Variants in FHAD1 observed in about 807,000 individuals in gnomAD.
FHAD1 encodes the protein forkhead-associated domain-containing protein 1.
In FHAD1, 146 loss-of-function variants were observed where a neutral mutation model predicts 191.3. The ratio of observed to expected loss-of-function variants is 0.76; its 90% confidence interval spans 0.67 to 0.88. FHAD1 has a LOEUF of 0.88. Ranked by LOEUF, FHAD1 falls within the 40% of genes least tolerant of loss-of-function variation. The probability of loss-of-function intolerance (pLI) is 0.00; values close to 1 mark genes in which losing one functional copy is unlikely to be tolerated. For synonymous variants in FHAD1, 616 were observed against 672.3 expected (o/e 0.92, Z 1.29); for missense variants, 1,635 against 1,785.8 (o/e 0.92, Z 1.52).
At chr1:15,359,815 TG>T (rs1423966708) in intron 21 of FHAD1, among the ~76,000 whole-genome samples, 1 of 151,984 alleles carries the variant, frequency 6.6e-6, no homozygotes, top group Non-Finnish European at 1.5e-5. Context: ...CCAGGCGTGG[TG>T]GCGGGCGCCT....
At chr1:15,352,466 C>T (rs1691224648) in intron 19 of FHAD1, among the ~76,000 whole-genome samples, 2 of 152,190 alleles carry the variant, frequency 1.3e-5, no homozygotes, top group Admixed American at 1.3e-4. Context: ...TCTGCAGGGA[C>T]AGAAGGCACC....
In FHAD1 at chr1:15,301,423, C is replaced by A. The variant is rs976656704; in HGVS notation, c.897C>A (p.Ile299=). Residue 299 remains isoleucine, a synonymous_variant, in exon 6 of 34, where the codon ATC becomes ATA. Coordinates refer to ENST00000688493, the MANE Select transcript of FHAD1 (RefSeq NM_001391957.1). Reference sequence around the variant, plus strand: ...ACATCGATGCCAAACAGAAAGAGATCCAGAGCTTGAAAAGCCAGGTAGGCA... The same window carrying A: ...ACATCGATGCCAAACAGAAAGAGATACAGAGCTTGAAAAGCCAGGTAGGCA... ...DEDIDAKQKE[I]QSLKSQISAL... 3 of 1,551,578 alleles carry A rather than the reference C, an allele frequency of 1.9e-6. No homozygotes were observed. Among genetic ancestry groups the A allele is most frequent in the Admixed American group, 3.9e-5 (2 of 50,972 alleles).
intron 32 of FHAD1, among the ~76,000 whole-genome samples, chr1:15,389,271 C>T (rs2496333): frequency 0.39 from 58,999 of 151,186 alleles, 15,130 homozygotes; most frequent in African/African-American, 0.74. Context: ...CATGGCAAAA[C>T]CCTGGCTCTA....
At position 15,390,995 on chromosome 1, in the gene FHAD1, G is replaced by A. The variant is rs957889992; in HGVS notation, c.4270-215G>A. The stretch of plus-strand genomic sequence containing the variant: ...GACCCCCAAGAGACTCAGCAAGATG[G>A]GGCACTGTGGCTCCCAAAAGCTGTG... On this transcript the variant is annotated intron_variant, in intron 32 of 33. Coordinates refer to ENST00000688493, the MANE Select transcript of FHAD1 (RefSeq NM_001391957.1). Among the ~76,000 whole-genome samples, 3 of 152,052 alleles carry A rather than the reference G, an allele frequency of 2.0e-5. No homozygotes were observed. In the East Asian group the frequency reaches 5.8e-4, roughly 29 times the overall value.
In FHAD1 at chr1:15,329,628, T is replaced by C; in HGVS notation, c.1906+87T>C. On this transcript the variant is annotated intron_variant, in intron 14 of 33. Transcript: ENST00000688493. This position sits in a 1 kb window ranked among gnomAD's most constrained non-coding sequence, Gnocchi z 5.0. Reference sequence around the variant, plus strand: ...CATGATGGGACATCTGTTGAGGAAGTCTTCCTGGGTATCTGGCCAAGTCTA... The same window carrying C: ...CATGATGGGACATCTGTTGAGGAAGCCTTCCTGGGTATCTGGCCAAGTCTA... The C allele has an allele frequency of 7.8e-7, 1 of 1,279,746 alleles. No homozygotes were observed. The highest frequency in any genetic ancestry group is 1.1e-6 in the Non-Finnish European group (1 of 908,926). The allele number at this position is 1,279,746 out of a possible 1,614,324, so 79.3% of individuals were successfully genotyped here. A position where few individuals can be genotyped will look rare whatever the true frequency, so the allele number is the denominator to read the frequency against.
At chr1:15,313,020 C>G (rs1488011723) in intron 7 of FHAD1, 37 bp from the exon 8 acceptor site, 1 of 1,549,336 alleles carries the variant, frequency 6.5e-7, no homozygotes, top group Non-Finnish European at 8.7e-7. Flanking sequence ...GTCATCCTCA[C>G]TGCCTCTTTG....
Position 15,327,219 on chromosome 1 carries a change from G to C in FHAD1, c.1557+77G>C. 2 of 921,246 alleles carry C rather than the reference G, an allele frequency of 2.2e-6. No homozygotes were observed. The highest frequency in any genetic ancestry group is 3.4e-6 in the Non-Finnish European group (2 of 596,162). 57.1% of individuals were successfully genotyped at this position (921,246 alleles called of 1,614,324 possible). ...TTCGTGGATCTGGATTCCAGACCCT[G>C]GGAGCATATGTTTCTGTTTTTGTTG... On this transcript the variant is annotated intron_variant, in intron 12 of 33. Transcript: ENST00000688493. This position sits in a 1 kb window ranked among gnomAD's most constrained non-coding sequence, Gnocchi z 5.1.
At chr1:15,345,255 G>T (rs1322321300) in intron 17 of FHAD1, 65 bp downstream of exon 17, 3 of 1,451,262 alleles carry the variant, frequency 2.1e-6, no homozygotes, top group East Asian at 2.5e-5. Context: ...TGGATCTGGG[G>T]CTCTGGTCTG....
intron 33 of FHAD1, among the ~76,000 whole-genome samples, chr1:15,396,586 A>G (rs1257139291): frequency 2.0e-5 from 3 of 152,182 alleles, no homozygotes; most frequent in Non-Finnish European, 4.4e-5. Context: ...AGGCAGGCAG[A>G]TCACTTGAGG....
chr1:15,334,833 G>A (rs1379622349), intron 14 of FHAD1: 2 of 152,168 alleles, frequency 1.3e-5, no homozygotes, highest in Non-Finnish European at 2.9e-5. Context: ...CAGCAAATGG[G>A]GTTTCTTTAG....
intron 31 of FHAD1, among the ~76,000 whole-genome samples, chr1:15,384,920 T>A (rs1312753333): frequency 6.6e-6 from 1 of 152,118 alleles, no homozygotes; most frequent in Non-Finnish European, 1.5e-5. Flanking sequence ...GTCACCGGGC[T>A]ACTCAGCTAC....
intron 3 of FHAD1, among the ~76,000 whole-genome samples, chr1:15,277,687 G>A (rs907242718): frequency 2.0e-5 from 3 of 152,150 alleles, no homozygotes; most frequent in Non-Finnish European, 4.4e-5. Flanking sequence ...ATGATATATC[G>A]TGTGGGTAGA....
At chr1:15,314,850 GCGTGTGGATGT>G (rs1673767756) in intron 8 of FHAD1, among the ~76,000 whole-genome samples, 1 of 139,650 alleles carries the variant, frequency 7.2e-6, no homozygotes, top group Non-Finnish European at 1.6e-5. Context: ...GGGTGAGGGG[GCGTGTGGATGT>G]GTGGGTGTGG....
At chr1:15,371,430 G>T (rs55841500) in intron 26 of FHAD1, among the ~76,000 whole-genome samples, 175 of 152,116 alleles carry the variant, frequency 1.2e-3, no homozygotes, top group African/African-American at 3.7e-3. Flanking sequence ...TTCCTCCTTC[G>T]GGCTCCTTCC....
chr1:15,359,487 G>A (rs1693969150), intron 21 of FHAD1, among the ~76,000 whole-genome samples: 1 of 152,102 alleles, frequency 6.6e-6, no homozygotes, highest in Admixed American at 6.5e-5. Context: ...AGCCTTAGGA[G>A]GTTGTAGGCA....
chr1:15,278,585 T>A (rs1307732248), intron 3 of FHAD1, among the ~76,000 whole-genome samples: 2 of 149,056 alleles, frequency 1.3e-5, no homozygotes, highest in Non-Finnish European at 3.0e-5. Context: ...GCAATTCTCA[T>A]GCCTCAGCCT....
At chr1:15,320,350 G>A (rs1240355792) in intron 10 of FHAD1, among the ~76,000 whole-genome samples, 1 of 152,170 alleles carries the variant, frequency 6.6e-6, no homozygotes, top group Non-Finnish European at 1.5e-5. Context: ...TTCTGTATAT[G>A]GACATTAAAT....
intron 26 of FHAD1, among the ~76,000 whole-genome samples, chr1:15,373,107 G>A (rs1198936788): frequency 6.6e-6 from 1 of 152,182 alleles, no homozygotes; most frequent in Non-Finnish European, 1.5e-5. Flanking sequence ...GACTTCAGGA[G>A]GTCTTGACCC....
intron 2 of FHAD1, among the ~76,000 whole-genome samples, chr1:15,260,297 G>C (rs754991655): frequency 6.6e-5 from 10 of 152,228 alleles, no homozygotes; most frequent in Non-Finnish European, 1.5e-4. Context: ...GTGGGGAACT[G>C]TGTTACGAGA....
Sources: allele counts gnomAD v4.1 joint callset (sites outside exome capture counted in the v4.1 genomes callset), GRCh38; gene constraint gnomAD v4.1.1; non-coding constraint Gnocchi (gnomAD v3.1); transcripts MANE v1.5; gene names NCBI Gene and HGNC (gene_info 2026-07-23, HGNC 2026-07-21).